Variants in CEP76 observed in about 807,000 individuals in gnomAD.
The protein encoded by CEP76 is centrosomal protein of 76 kDa.
A neutral mutation model predicts 83.3 loss-of-function variants in CEP76; 55 were observed. The ratio of observed to expected loss-of-function variants is 0.66; its 90% CI spans 0.53 to 0.83. The LOEUF (loss-of-function observed/expected upper bound fraction) is 0.83. Ranked by LOEUF, CEP76 falls within the 40% of genes least tolerant of loss-of-function variation. The pLI is 0.00. For synonymous variants in CEP76, 270 were observed against 274.5 expected (o/e 0.98, Z 0.16); for missense variants, 694 against 799.5 (o/e 0.87, Z 1.59).
downstream of CEP76, among the ~76,000 whole-genome samples, chr18:12,670,007 G>T (rs979492337): frequency 2.8e-5 from 4 of 145,050 alleles, no homozygotes; most frequent in Non-Finnish European, 6.0e-5. Flanking sequence ...AAAAAAAAAA[G>T]AAAAGAAAAA....
downstream of CEP76, among the ~76,000 whole-genome samples, chr18:12,669,502 G>A (rs2038885914): frequency 6.6e-6 from 1 of 151,924 alleles, no homozygotes; most frequent in South Asian, 2.1e-4. Context: ...CTTGACTAAT[G>A]AAAAATGAAG....
At position 12,695,356 on chromosome 18, in the gene CEP76, A is replaced by C. The variant is rs760506928; in HGVS notation, c.707-5T>G. 6 of 1,379,750 alleles carry C rather than the reference A, an allele frequency of 4.3e-6. No homozygotes were observed. Among genetic ancestry groups the C allele is most frequent in the Non-Finnish European group, 6.1e-6 (6 of 988,454 alleles). 85.5% of individuals were successfully genotyped at this position (1,379,750 alleles called of 1,614,324 possible). ...CAGAAACTTTTGATTCTGTGCCTAT[A>C]AACATAAATATTTTGAACTTCAGAG... On this transcript the variant is annotated splice_region_variant and splice_polypyrimidine_tract_variant and intron_variant, in intron 5 of 11. Transcript: ENST00000262127.
At chr18:12,682,606 A>T (rs1200505437) in intron 8 of CEP76, among the ~76,000 whole-genome samples, 1 of 152,054 alleles carries the variant, frequency 6.6e-6, no homozygotes, top group Non-Finnish European at 1.5e-5. Context: ...CAAAAATGTA[A>T]TAACCAATCT....
At chr18:12,663,823 G>GC (rs1240723908) in intron 12 of CEP76, among the ~76,000 whole-genome samples, 1 of 152,150 alleles carries the variant, frequency 6.6e-6, no homozygotes, top group Non-Finnish European at 1.5e-5. Flanking sequence ...TGGATGGAGT[G>GC]CAGTGGTGCG....
chr18:12,688,838 G>A (rs1348274301), intron 7 of CEP76, among the ~76,000 whole-genome samples: 1 of 152,214 alleles, frequency 6.6e-6, no homozygotes, highest in African/African-American at 2.4e-5. Flanking sequence ...TTCTTGGCCA[G>A]GTGTGGTGGC....
At chr18:12,701,439 C>G (rs1181737050) in intron 1 of CEP76, among the ~76,000 whole-genome samples, 1 of 152,120 alleles carries the variant, frequency 6.6e-6, no homozygotes, top group Non-Finnish European at 1.5e-5. Flanking sequence ...ATACTTTGAT[C>G]TGCCTAATGA....
intron 12 of CEP76, among the ~76,000 whole-genome samples, chr18:12,663,664 TGTG>T (rs2038744209): frequency 6.6e-6 from 1 of 152,244 alleles, no homozygotes; most frequent in Non-Finnish European, 1.5e-5. Context: ...ACCAGAGTTT[TGTG>T]TTGTGTAAAT....
Position 12,702,506 on chromosome 18 carries a change from T to C in CEP76, c.43A>G (p.Ile15Val). Residue 15 changes from isoleucine to valine, a missense_variant, in exon 1 of 12, where the codon ATC becomes GTC. Physicochemically the swap from Ile to Val is conservative, Grantham distance 29 (BLOSUM62 3). Coordinates refer to ENST00000262127, the MANE Select transcript of CEP76 (RefSeq NM_024899.4). ...CTCACCTTGCTCAGCTGCTGGTGGA[T>C]GAGCTGCTTCAGCTCGGAGGCTTTC... ...PEKASELKQLIHQQLSKMDVH... is the reference protein window; with the variant it reads ...PEKASELKQLVHQQLSKMDVH... 1 of 1,610,064 alleles carries C rather than the reference T, an allele frequency of 6.2e-7. No homozygotes were observed. The highest frequency in any genetic ancestry group is 8.5e-7 in the Non-Finnish European group (1 of 1,178,716).
intron 4 of CEP76, among the ~76,000 whole-genome samples, chr18:12,698,311 C>A (rs546251122): frequency 6.6e-6 from 1 of 151,886 alleles, no homozygotes; most frequent in East Asian, 1.9e-4. Flanking sequence ...TCATTACACG[C>A]GCCTGCCACC....
At chr18:12,681,971 G>A (rs2039365013) in intron 8 of CEP76, among the ~76,000 whole-genome samples, 1 of 151,052 alleles carries the variant, frequency 6.6e-6, no homozygotes, top group Non-Finnish European at 1.5e-5. Context: ...ACTCCAGCCT[G>A]GACAACAGAG....
At chr18:12,687,454 ATTT>A (rs1259960536) in intron 7 of CEP76, among the ~76,000 whole-genome samples, 4 of 140,710 alleles carry the variant, frequency 2.8e-5, no homozygotes, top group Admixed American at 7.2e-5. Flanking sequence ...GAAGGCATCA[ATTT>A]TTTTTTTTTT....
intron 7 of CEP76, among the ~76,000 whole-genome samples, chr18:12,688,036 G>A (rs1164801336): frequency 6.6e-6 from 1 of 151,856 alleles, no homozygotes; most frequent in Non-Finnish European, 1.5e-5. Context: ...GAGGTCAGGA[G>A]ATCAATTCCA....
chr18:12,688,305 TA>T (rs1355205895), intron 7 of CEP76, among the ~76,000 whole-genome samples: 2 of 151,438 alleles, frequency 1.3e-5, no homozygotes, highest in Admixed American at 1.3e-4. Flanking sequence ...TTTCTTGCAC[TA>T]AAAAGTTCAA....
chr18:12,672,967 C>G lies in CEP76; in HGVS notation c.*398G>C. The stretch of plus-strand genomic sequence containing the variant: ...TCTCCTAATCTGTATAAAATAATTC[C>G]ATTAACCTGTGAAAAGTAATGATCA... On this transcript the variant is annotated 3_prime_UTR_variant, in exon 12 of 12. Transcript: ENST00000262127. The G allele has an allele frequency of 1.0e-6, 1 of 986,338 alleles. No homozygotes were observed. Among genetic ancestry groups the G allele is most frequent in the Non-Finnish European group, 1.2e-6 (1 of 830,150 alleles). 61.1% of individuals were successfully genotyped at this position (986,338 alleles called of 1,614,324 possible).
intron 7 of CEP76, among the ~76,000 whole-genome samples, chr18:12,687,146 G>A (rs1246744834): frequency 4.6e-5 from 7 of 151,948 alleles, no homozygotes; most frequent in Middle Eastern, 3.2e-3. Flanking sequence ...TTACTGATAC[G>A]GCACTGTGAA....
intron 7 of CEP76, 38 bp downstream of exon 7, chr18:12,691,321 A>G (rs1422109860): frequency 1.5e-6 from 2 of 1,377,326 alleles, no homozygotes; most frequent in Non-Finnish European, 2.0e-6. Flanking sequence ...GTAAATCTCA[A>G]ATACAGGCAT....
At chr18:12,688,612 G>A (rs1395496411) in intron 7 of CEP76, among the ~76,000 whole-genome samples, 3 of 152,092 alleles carry the variant, frequency 2.0e-5, no homozygotes. Flanking sequence ...ATCCCCACAA[G>A]CTACTTAACT....
intron 1 of CEP76, 22 bp downstream of exon 1, chr18:12,702,464 T>A (rs763174298): frequency 6.3e-7 from 1 of 1,585,696 alleles, no homozygotes; most frequent in South Asian, 1.1e-5. Flanking sequence ...CGGCGGTCTC[T>A]CCCAGCACCC....
intron 6 of CEP76, among the ~76,000 whole-genome samples, chr18:12,694,385 G>C (rs2039875556): frequency 6.6e-6 from 1 of 152,144 alleles, no homozygotes; most frequent in East Asian, 1.9e-4. Context: ...ATCCCGGCAA[G>C]TCAGCAGATA....
Sources: allele counts gnomAD v4.1 joint callset (sites outside exome capture counted in the v4.1 genomes callset), GRCh38; gene constraint gnomAD v4.1.1; transcripts MANE v1.5; gene names NCBI Gene and HGNC (gene_info 2026-07-23, HGNC 2026-07-21).